The following ABCC5 variants were observed in gnomAD, a reference collection of about 807,000 sequenced individuals.
ABCC5 encodes ATP binding cassette subfamily C member 5.
In ABCC5, 61 loss-of-function variants were observed where a neutral mutation model predicts 160.9. That is an observed-to-expected ratio of 0.38 (90% CI 0.31 to 0.47). The LOEUF (loss-of-function observed/expected upper bound fraction) is 0.47, where lower values mean the gene tolerates loss of function less well. ABCC5 is among the 20% of genes least tolerant of loss of function. ABCC5 has a pLI of 0.99. For missense variants in ABCC5, 1,308 were observed against 1,813.3 expected, an observed-to-expected ratio of 0.72 and a Z score of 5.06; for synonymous variants, 666 against 700.6, an observed-to-expected ratio of 0.95 and a Z score of 0.78.
intron 17 of ABCC5, among the ~76,000 whole-genome samples, chr3:183,957,895 CGG>C (rs1716328904): frequency 2.5e-5 from 3 of 121,322 alleles, no homozygotes; most frequent in African/African-American, 8.9e-5. Flanking sequence ...TATATCACAT[CGG>C]TTACATGCGG....
Position 183,988,830 on chromosome 3 carries a change from C to T in ABCC5, c.288-103G>A. On this transcript the variant is annotated intron_variant, in intron 3 of 29. Transcript: ENST00000334444. This position sits in a 1 kb window ranked among gnomAD's most constrained non-coding sequence, Gnocchi z 4.4. Reference sequence around the variant, plus strand: ...GTGAACACAGCTCTTAGCTAAAGACCAGTCTCCCCAGATGATCTAATCTTA... The same window carrying T: ...GTGAACACAGCTCTTAGCTAAAGACTAGTCTCCCCAGATGATCTAATCTTA... The T allele has an allele frequency of 7.7e-7, 1 of 1,297,340 alleles. No homozygotes were observed. Among genetic ancestry groups the T allele is most frequent in the Non-Finnish European group, 1.0e-6 (1 of 954,092 alleles). 80.4% of individuals were successfully genotyped at this position (1,297,340 alleles called of 1,614,324 possible).
In ABCC5 at chr3:183,987,934, G is replaced by C; in HGVS notation, c.444-17C>G. ...CTCTCTAGTCTTAACAAGGGCACAC[G>C]TCCTCGTTACACATCTCCTCGGGGG... On this transcript the variant is annotated splice_polypyrimidine_tract_variant and intron_variant, in intron 4 of 29. Coordinates refer to ENST00000334444, the MANE Select transcript of ABCC5 (RefSeq NM_005688.4). This position sits in a 1 kb window ranked among gnomAD's most constrained non-coding sequence, Gnocchi z 4.2. 6.2e-7 allele frequency: 1 copy of C among 1,612,278 alleles called. No individual in the cohort carries two copies.
In ABCC5 at chr3:183,951,880, T is replaced by C. The variant is rs956482411; in HGVS notation, c.2791A>G (p.Ile931Val). ...SMAVMLILKA[I>V]RGVVFVKGTL... is the part of the protein sequence containing the mutation. Reference sequence around the variant, plus strand: ...ACCTTGACAAAGACAACTCCTCGAATGGCTTTCAGGATCAGCATGACTGCC... The same window carrying C: ...ACCTTGACAAAGACAACTCCTCGAACGGCTTTCAGGATCAGCATGACTGCC... Residue 931 changes from isoleucine (I) to valine (V), a missense_variant, in exon 19 of 30, where the codon ATT becomes GTT. Coordinates refer to ENST00000334444, the MANE Select transcript of ABCC5 (RefSeq NM_005688.4). This position sits in a 1 kb window ranked among gnomAD's most constrained non-coding sequence, Gnocchi z 4.7. The C allele has an allele frequency of 3.7e-6, 6 of 1,613,708 alleles. No homozygotes were observed. Among genetic ancestry groups the C allele is most frequent in the Non-Finnish European group, 5.1e-6 (6 of 1,179,802 alleles).
In ABCC5 at chr3:183,971,474, T is replaced by C. The variant is rs1016280839; in HGVS notation, c.1761+89A>G. ...AAATCACTCCTAGCCACAAAGCACT[T>C]TGTGAAAAGGAACAGCAGCCGCCTA... On this transcript the variant is annotated intron_variant, in intron 11 of 29. Coordinates refer to ENST00000334444, the MANE Select transcript of ABCC5 (RefSeq NM_005688.4). The C allele has an allele frequency of 5.5e-6, 7 of 1,267,424 alleles. No individual in the cohort carries two copies. The South Asian group carries it at 6.6e-5, about 12-fold the overall frequency. The allele number at this position is 1,267,424 out of a possible 1,614,324, so 78.5% of individuals were successfully genotyped here. A position where few individuals can be genotyped will look rare whatever the true frequency, so the allele number is the denominator to read the frequency against.
At chr3:183,933,424 G>C (rs575077253) in intron 26 of ABCC5, among the ~76,000 whole-genome samples, 4 of 152,266 alleles carry the variant, frequency 2.6e-5, no homozygotes, top group Admixed American at 1.3e-4. Context: ...CGGGGGATAG[G>C]ACAGAGGCCA....
At chr3:183,938,189 G>C in intron 25 of ABCC5, 129 bp from the exon 26 acceptor site, 1 of 887,372 alleles carries the variant, frequency 1.1e-6, no homozygotes, top group South Asian at 1.7e-5. Context: ...CTGATTAACT[G>C]AGATAATGTA....
intron 11 of ABCC5, among the ~76,000 whole-genome samples, chr3:183,969,180 G>A (rs1283731397): frequency 2.0e-5 from 3 of 152,170 alleles, no homozygotes; most frequent in Non-Finnish European, 4.4e-5. Context: ...CTTCCCTAAA[G>A]CAAAGGCCCA....
rs1722254646 is a variant in ABCC5, at chr3:184,017,117, C to T, written c.-56+713G>A. Among the ~76,000 whole-genome samples the T allele has an allele frequency of 6.6e-6, 1 of 152,208 alleles. No homozygotes were observed. Among genetic ancestry groups the T allele is most frequent in the African/African-American group, 2.4e-5 (1 of 41,454 alleles). Reference sequence around the variant, plus strand: ...CTCCTCCAAGACCTCCTGAAACTTTCCCCGTCGTTCCTGTGCCCACCTGCC... The same window carrying T: ...CTCCTCCAAGACCTCCTGAAACTTTTCCCGTCGTTCCTGTGCCCACCTGCC... On this transcript the variant is annotated intron_variant, in intron 1 of 29. Coordinates refer to ENST00000334444, the MANE Select transcript of ABCC5 (RefSeq NM_005688.4). The surrounding 1 kb of genome is among the most constrained non-coding windows in gnomAD (Gnocchi z 4.5).
chr3:183,966,691 A>C (rs1717248401), intron 12 of ABCC5, among the ~76,000 whole-genome samples: 1 of 152,020 alleles, frequency 6.6e-6, no homozygotes, highest in African/African-American at 2.4e-5. Context: ...TACAAGACCA[A>C]TGGCTGGGCC....
chr3:183,957,875 GA>G (rs1716321218), intron 17 of ABCC5, among the ~76,000 whole-genome samples: 1 of 117,434 alleles, frequency 8.5e-6, no homozygotes, highest in Admixed American at 8.4e-5. Context: ...GTTACATGCG[GA>G]TCCGTGTGTA....
chr3:183,921,858 T>C lies in ABCC5; in HGVS notation c.4213-457A>G, dbSNP rs980552468. The stretch of plus-strand genomic sequence containing the variant: ...CAGCCTGGCCAACATGGTGAAACCC[T>C]GTCTCTACTAAATATACAAAAATTA... On this transcript the variant is annotated intron_variant, in intron 29 of 29. Coordinates refer to ENST00000334444, the MANE Select transcript of ABCC5 (RefSeq NM_005688.4). The surrounding 1 kb of genome is among the most constrained non-coding windows in gnomAD (Gnocchi z 4.1). Among the ~76,000 whole-genome samples, 2 of 151,744 alleles carry C rather than the reference T, an allele frequency of 1.3e-5. No homozygotes were observed. The highest frequency in any genetic ancestry group is 4.8e-5 in the African/African-American group (2 of 41,282).
intron 25 of ABCC5, among the ~76,000 whole-genome samples, chr3:183,940,211 C>T (rs913955380): frequency 2.6e-5 from 4 of 151,864 alleles, no homozygotes; most frequent in African/African-American, 7.3e-5. Flanking sequence ...TGAGTGACTC[C>T]AGGCCGGTGG....
chr3:183,977,788 T>C (rs534196324), intron 9 of ABCC5, among the ~76,000 whole-genome samples, 164 bp from the exon 10 acceptor site: 1 of 152,332 alleles, frequency 6.6e-6, no homozygotes, highest in African/African-American at 2.4e-5. Context: ...AGTCTCGCTC[T>C]GTCGCCCAGG....
chr3:183,965,097 C>T, intron 14 of ABCC5, 88 bp downstream of exon 14: 1 of 1,380,640 alleles, frequency 7.2e-7, no homozygotes, highest in Non-Finnish European at 1.0e-6. Context: ...GGCTCTTCTC[C>T]CAAGCATTTC....
Position 183,947,387 on chromosome 3 carries a change from G to C in ABCC5, c.3351C>G (p.Ile1117Met). The C allele has an allele frequency of 6.2e-7, 1 of 1,613,656 alleles. No homozygotes were observed. Among genetic ancestry groups the C allele is most frequent in the Non-Finnish European group, 8.5e-7 (1 of 1,179,828 alleles). Reference protein sequence around the residue: ...IALITTTGLMIVLMHGQIPPA... With the variant: ...IALITTTGLMMVLMHGQIPPA... ...GGGGAATCTGCCCGTGCATAAGAAC[G>C]ATCATCAGCCCCGTGGTGGTGATGA... Residue 1117 changes from isoleucine (I) to methionine (M), a missense_variant, in exon 23 of 30, where the codon ATC becomes ATG. Ile to Met is a conservative substitution (Grantham distance 10). Transcript: ENST00000334444.
chr3:183,951,454 T>C lies in ABCC5; in HGVS notation c.2931A>G (p.Lys977=), dbSNP rs147377810. 625 of 1,614,140 alleles carry C rather than the reference T, an allele frequency of 3.9e-4. 2 individuals carry two copies. In the African/African-American group the frequency reaches 7.1e-3, roughly 18 times the overall value. Residue 977 remains lysine (K), a synonymous_variant, in exon 20 of 30, where the codon AAA becomes AAG. Coordinates refer to ENST00000334444, the MANE Select transcript of ABCC5 (RefSeq NM_005688.4). This position sits in a 1 kb window ranked among gnomAD's most constrained non-coding sequence, Gnocchi z 4.7. ...AGTGAGAAATACCTTCATCCATGTC[T>C]TTGGAAAACCTGTTGAGAATCCTCC... is the stretch of plus-strand genomic sequence containing the variant. ...PTGRILNRFS[K]DMDEVDVRLP... is the part of the protein sequence containing the mutation.
intron 29 of ABCC5, among the ~76,000 whole-genome samples, chr3:183,923,164 G>T (rs1712173522): frequency 7.0e-6 from 1 of 143,418 alleles, no homozygotes; most frequent in Non-Finnish European, 1.5e-5. Flanking sequence ...TGTGTGTGTG[G>T]TTTTTTTTTT....
intron 11 of ABCC5, among the ~76,000 whole-genome samples, chr3:183,968,925 A>G (rs191795824): frequency 6.9e-4 from 105 of 152,340 alleles, no homozygotes; most frequent in Admixed American, 2.7e-3. Flanking sequence ...CAGTATCCTC[A>G]TAAAACTAAG....
At chr3:183,922,591 T>A (rs1273588570) in intron 29 of ABCC5, among the ~76,000 whole-genome samples, 1 of 152,174 alleles carries the variant, frequency 6.6e-6, no homozygotes, top group East Asian at 1.9e-4. Flanking sequence ...TATGATGGAC[T>A]TCTATGTAGC....
Sources: gnomAD v4.1 joint callset for allele counts (sites outside exome capture counted in the v4.1 genomes callset) on GRCh38, gnomAD v4.1.1 for gene constraint, Gnocchi (gnomAD v3.1) non-coding constraint, MANE v1.5 for transcripts, NCBI Gene and HGNC (gene_info 2026-07-23, HGNC 2026-07-21) for gene names.